Variants in LMO3 observed in about 807,000 individuals in gnomAD.
The protein encoded by LMO3 is LIM domain only 3, also known as LIM domain only protein 3.
A neutral mutation model predicts 15.8 loss-of-function variants in LMO3; 2 were observed. The ratio of observed to expected loss-of-function variants is 0.13; its 90% CI spans 0.05 to 0.40. The LOEUF (loss-of-function observed/expected upper bound fraction) is 0.40. Among genes scored for constraint, LMO3 ranks in the 10% least tolerant of loss-of-function variants. The pLI, the probability that LMO3 is intolerant of heterozygous loss-of-function variation, is 0.99. For missense variants in LMO3, 86 were observed against 182.2 expected (o/e 0.47, Z 3.04); for synonymous variants, 62 against 63.8 (o/e 0.97, Z 0.13).
intron 2 of LMO3, chr12:16,600,316 G>GA (rs1163504437): frequency 6.8e-5 from 7 of 103,068 alleles, no homozygotes; most frequent in South Asian, 3.0e-4. Flanking sequence ...AAAAAAAAAA[G>GA]AAAAAAAAGA....
chr12:16,550,724 T>C lies in LMO3; in HGVS notation c.*498A>G, dbSNP rs951806695. ...TTGATAGACTTGCTTTATCTATCTG[T>C]GTATCATTAGTGAGATTTGCTTTTC... is the stretch of plus-strand genomic sequence containing the variant. On this transcript the variant is annotated 3_prime_UTR_variant, in exon 4 of 4. Coordinates refer to ENST00000537304, the MANE Select transcript of LMO3 (RefSeq NM_018640.5). 2.6e-5 allele frequency: 4 copies of C among 153,792 alleles called. No homozygotes were observed. The highest frequency in any genetic ancestry group is 9.7e-5 in the African/African-American group (4 of 41,450). 9.5% of individuals were successfully genotyped at this position (153,792 alleles called of 1,614,324 possible).
In LMO3 at chr12:16,585,149, C is replaced by G. The variant is rs898591236; in HGVS notation, c.206+15506G>C. On this transcript the variant is annotated intron_variant, in intron 2 of 3. Transcript: ENST00000537304. The surrounding 1 kb of genome is among the most constrained non-coding windows in gnomAD (Gnocchi z 4.7). The stretch of plus-strand genomic sequence containing the variant: ...GGCTTCCCCCTTTGGGTGGCGCATG[C>G]AAGCCCCAGTTCACAACGTTATTTT... 5.3e-5 allele frequency among the ~76,000 whole-genome samples: 8 copies of G among 152,282 alleles called. No homozygotes were observed. Among genetic ancestry groups the G allele is most frequent in the Middle Eastern group, 3.4e-3 (1 of 294 alleles).
Position 16,597,188 on chromosome 12 carries a change from A to T in LMO3, c.206+3467T>A, listed in dbSNP as rs1943685500. Among the ~76,000 whole-genome samples, 1 of 151,734 alleles carries T rather than the reference A, an allele frequency of 6.6e-6. No homozygotes were observed. The highest frequency in any genetic ancestry group is 6.6e-5 in the Admixed American group (1 of 15,216). The stretch of plus-strand genomic sequence containing the variant: ...CCAGTCCAGTTCTGGAAAGTGAAAA[A>T]TTCCACTGTTAAGATTTGATACTTA... On this transcript the variant is annotated intron_variant, in intron 2 of 3. Coordinates refer to ENST00000537304, the MANE Select transcript of LMO3 (RefSeq NM_018640.5). The surrounding 1 kb of genome is among the most constrained non-coding windows in gnomAD (Gnocchi z 5.0).
chr12:16,575,127 G>C (rs999181903), intron 2 of LMO3, among the ~76,000 whole-genome samples: 4 of 152,150 alleles, frequency 2.6e-5, no homozygotes, highest in African/African-American at 9.7e-5. Context: ...TGACTTCCAA[G>C]TTATAATCTA....
Position 16,605,000 on chromosome 12 carries a change from C to A in LMO3, c.-9+1066G>T. ...TTCGCTTAAGTGTGGACCTGGTGCGCAGCCTACACCGCCGAGGACCGACTA... is the reference window on the plus strand; with the variant it reads ...TTCGCTTAAGTGTGGACCTGGTGCGAAGCCTACACCGCCGAGGACCGACTA... On this transcript the variant is annotated intron_variant, in intron 1 of 3. Coordinates refer to ENST00000537304, the MANE Select transcript of LMO3 (RefSeq NM_018640.5). This position sits in a 1 kb window ranked among gnomAD's most constrained non-coding sequence, Gnocchi z 5.3. The A allele has an allele frequency of 6.3e-7, 1 of 1,591,408 alleles. No homozygotes were observed. The highest frequency in any genetic ancestry group is 8.5e-7 in the Non-Finnish European group (1 of 1,176,170).
At chr12:16,606,603 C>T (rs937626014), upstream of LMO3, 2 of 151,978 alleles carry the variant, frequency 1.3e-5, no homozygotes, top group African/African-American at 4.8e-5. Context: ...CTCTCGTGTG[C>T]CTGTTCTGCA....
chr12:16,597,771 C>T lies in LMO3; in HGVS notation c.206+2884G>A, dbSNP rs1489987734. 1 of 151,696 alleles carries T rather than the reference C, an allele frequency of 6.6e-6. No homozygotes were observed. The allele number at this position is 151,696 out of a possible 1,614,324, so 9.4% of individuals were successfully genotyped here. A position where few individuals can be genotyped will look rare whatever the true frequency, so the allele number is the denominator to read the frequency against. On this transcript the variant is annotated intron_variant, in intron 2 of 3. Coordinates refer to ENST00000537304, the MANE Select transcript of LMO3 (RefSeq NM_018640.5). This position sits in a 1 kb window ranked among gnomAD's most constrained non-coding sequence, Gnocchi z 5.0. ...TATCAAAGGGCCAAAAATAAAACAA[C>T]TTTTAAAATAGAACTTAAGTGATTA...
chr12:16,600,182 C>G (rs1034242344), intron 2 of LMO3: 1 of 155,626 alleles, frequency 6.4e-6, no homozygotes, highest in Non-Finnish European at 1.4e-5. Context: ...AACTCTTTTA[C>G]ACAGTCCATT....
At chr12:16,607,575 G>A (rs1944039654), upstream of LMO3, 1 of 151,838 alleles carries the variant, frequency 6.6e-6, no homozygotes, top group East Asian at 1.9e-4. Flanking sequence ...CTCTGTTTGG[G>A]CTGCTCTTAA....
chr12:16,608,539 C>G (rs562128382), upstream of LMO3: 1 of 152,268 alleles, frequency 6.6e-6, no homozygotes, highest in African/African-American at 2.4e-5. The surrounding 1 kb of genome is among the most constrained non-coding windows in gnomAD (Gnocchi z 4.1). Context: ...GATATCAACA[C>G]CAACCTGCAA....
chr12:16,558,859 A>AATT (rs1195300478), intron 3 of LMO3, among the ~76,000 whole-genome samples: 2 of 152,154 alleles, frequency 1.3e-5, no homozygotes, highest in East Asian at 3.8e-4. Context: ...ATTTAATATA[A>AATT]ATTAATTATT....
In LMO3 at chr12:16,606,086, G is replaced by A. The variant is rs1943987495; in HGVS notation, c.-29C>T. ...CTTACCTTCTCAATTAAGCGATACA[G>A]GGGGAGGCCGTTCAGTAAGCACAGT... On this transcript the variant is annotated 5_prime_UTR_variant, in exon 1 of 4. Coordinates refer to ENST00000537304, the MANE Select transcript of LMO3 (RefSeq NM_018640.5). 7 of 450,900 alleles carry A rather than the reference G, an allele frequency of 1.6e-5. No homozygotes were observed. The highest frequency in any genetic ancestry group is 2.8e-5 in the Non-Finnish European group (7 of 251,248). 27.9% of individuals were successfully genotyped at this position (450,900 alleles called of 1,614,324 possible). A position where few individuals can be genotyped will look rare whatever the true frequency, so the allele number is the denominator to read the frequency against.
chr12:16,566,727 A>G (rs144301384), intron 2 of LMO3, among the ~76,000 whole-genome samples: 2 of 152,148 alleles, frequency 1.3e-5, no homozygotes, highest in Non-Finnish European at 2.9e-5. Context: ...GATCATGCCA[A>G]AACAGAAACA....
At chr12:16,563,721 C>CCTA (rs1220211266) in intron 2 of LMO3, among the ~76,000 whole-genome samples, 1 of 152,012 alleles carries the variant, frequency 6.6e-6, no homozygotes, top group East Asian at 1.9e-4. Context: ...GATAAGAGGG[C>CCTA]CTAAGAGTTC....
At chr12:16,607,479 C>G (rs546306748), upstream of LMO3, 1 of 150,660 alleles carries the variant, frequency 6.6e-6, no homozygotes, top group South Asian at 2.1e-4. Flanking sequence ...CTCCTCTCCT[C>G]TTAACTTTCC....
At position 16,589,147 on chromosome 12, in the gene LMO3, C is replaced by A. The variant is rs1943413756; in HGVS notation, c.206+11508G>T. 6.6e-6 allele frequency among the ~76,000 whole-genome samples: 1 copy of A among 152,030 alleles called. No individual in the cohort carries two copies. Among genetic ancestry groups the A allele is most frequent in the African/African-American group, 2.4e-5 (1 of 41,384 alleles). ...GATCTACGAATTAGATGTAACCTCA[C>A]CCAGTTTGGAAGATTTTAGGGAAGT... On this transcript the variant is annotated intron_variant, in intron 2 of 3. Transcript: ENST00000537304. The surrounding 1 kb of genome is among the most constrained non-coding windows in gnomAD (Gnocchi z 4.2).
rs142972130 is a variant in LMO3 at position 16,584,585 on chromosome 12, T to TG, written c.206+16069dup. 3.7e-3 allele frequency among the ~76,000 whole-genome samples: 552 copies of TG among 149,388 alleles called. 1 individual carries two copies. Among genetic ancestry groups the TG allele is most frequent in the East Asian group, 0.01 (51 of 5,054 alleles). ...AGATTAACATTGGCAAGTGGAGGAG[T>TG]GGGGGGGGTAAGAGGCCTGTTTAGA... On this transcript the variant is annotated intron_variant, in intron 2 of 3. Transcript: ENST00000537304. This position sits in a 1 kb window ranked among gnomAD's most constrained non-coding sequence, Gnocchi z 5.2.
chr12:16,606,849 G>A (rs1027575184), upstream of LMO3: 1 of 152,166 alleles, frequency 6.6e-6, no homozygotes, highest in Non-Finnish European at 1.5e-5. Flanking sequence ...GAACTCCTGC[G>A]AGAGAGCTCC....
chr12:16,605,161 G>A, intron 1 of LMO3: 1 of 1,387,672 alleles, frequency 7.2e-7, no homozygotes, highest in Non-Finnish European at 9.3e-7. Flanking sequence ...AAAGCCACAT[G>A]CTTCCCTAAC....
Sources: gnomAD v4.1 joint callset for allele counts (sites outside exome capture counted in the v4.1 genomes callset) on GRCh38, gnomAD v4.1.1 for gene constraint, Gnocchi (gnomAD v3.1) non-coding constraint, MANE v1.5 for transcripts, NCBI Gene and HGNC (gene_info 2026-07-23, HGNC 2026-07-21) for gene names.